Variants in DSCAML1 observed in about 807,000 individuals in gnomAD.
The protein encoded by DSCAML1 is cell adhesion molecule DSCAML1.
In DSCAML1, 38 loss-of-function variants were observed where a neutral mutation model predicts 200.5. The ratio of observed to expected loss-of-function variants is 0.19; its 90% CI spans 0.15 to 0.25. The LOEUF (loss-of-function observed/expected upper bound fraction) is 0.25. Ranked by LOEUF, DSCAML1 falls within the 10% of genes least tolerant of loss-of-function variation. The probability of loss-of-function intolerance (pLI) is 1.00; values close to 1 mark genes in which losing one functional copy is unlikely to be tolerated. For synonymous variants in DSCAML1, 1,215 were observed against 1,165.0 expected, an observed-to-expected ratio of 1.04 and a Z score of -0.87; for missense variants, 2,223 against 2,858.8, an observed-to-expected ratio of 0.78 and a Z score of 5.07.
intron 3 of DSCAML1, among the ~76,000 whole-genome samples, chr11:117,562,825 G>A (rs1016497775): frequency 1.3e-5 from 2 of 152,086 alleles, no homozygotes; most frequent in African/African-American, 2.4e-5. Flanking sequence ...TCCATCTCCC[G>A]GGTTCAAGTG....
In DSCAML1 at chr11:117,650,527, C is replaced by T. The variant is rs144576777; in HGVS notation, c.512-118005G>A. Among the ~76,000 whole-genome samples, 604 of 152,298 alleles carry T rather than the reference C, an allele frequency of 4.0e-3. 6 individuals are homozygous for T. The highest frequency in any genetic ancestry group is 6.9e-3 in the Non-Finnish European group (468 of 68,028). On this transcript the variant is annotated intron_variant, in intron 3 of 32. Coordinates refer to ENST00000651296, the MANE Select transcript of DSCAML1 (RefSeq NM_020693.4). ...AGGTAGAAAGTCAGAAGAGATCACA[C>T]GCAGCCTCGTGCAAAGAGGCTGTCA... is the stretch of plus-strand genomic sequence containing the variant.
chr11:117,780,235 A>AGAAAGAAAGAAAGAAAGAAG lies in DSCAML1; in HGVS notation c.364+257_364+258insCTTCTTTCTTTCTTTCTTTC, dbSNP rs2055215212. Among the ~76,000 whole-genome samples the AGAAAGAAAGAAAGAAAGAAG allele has an allele frequency of 2.0e-5, 1 of 49,294 alleles. No homozygotes were observed. Among genetic ancestry groups the AGAAAGAAAGAAAGAAAGAAG allele is most frequent in the African/African-American group, 9.1e-5 (1 of 11,016 alleles). 32.3% of individuals were successfully genotyped at this position (49,294 alleles called of 152,430 possible). On this transcript the variant is annotated intron_variant, in intron 2 of 32. Transcript: ENST00000651296. The surrounding 1 kb of genome is among the most constrained non-coding windows in gnomAD (Gnocchi z 4.8). ...AGAGAGAGAGAAAGAAAGAAAGGAA[A>AGAAAGAAAGAAAGAAAGAAG]GAAAGAAAGAAAGAAAGAAAGAAAG... is the stretch of plus-strand genomic sequence containing the variant.
chr11:117,698,911 A>C (rs933058192), intron 3 of DSCAML1, among the ~76,000 whole-genome samples: 3 of 152,188 alleles, frequency 2.0e-5, no homozygotes, highest in Admixed American at 2.0e-4. Flanking sequence ...GCCCCATCCA[A>C]CTAGTTTTGC....
intron 1 of DSCAML1, among the ~76,000 whole-genome samples, chr11:117,783,926 C>T (rs980420202): frequency 6.6e-6 from 1 of 152,180 alleles, no homozygotes; most frequent in Non-Finnish European, 1.5e-5. Context: ...CTTCCCCAGG[C>T]CCCCTCTACT....
intron 3 of DSCAML1, among the ~76,000 whole-genome samples, chr11:117,651,103 C>G (rs2052623213): frequency 1.3e-5 from 2 of 152,260 alleles, no homozygotes; most frequent in Non-Finnish European, 2.9e-5. Flanking sequence ...TTTGTGGGCA[C>G]AGACTAAGGC....
At chr11:117,687,426 A>ATTTTAAATTTTTTT (rs552784985) in intron 3 of DSCAML1, among the ~76,000 whole-genome samples, 1 of 97,684 alleles carries the variant, frequency 1.0e-5, no homozygotes, top group African/African-American at 4.1e-5. Flanking sequence ...ATGCCTGGCT[A>ATTTTAAATTTTTTT]TTTTTTTTTT....
At chr11:117,646,925 C>T (rs1260048143) in intron 3 of DSCAML1, among the ~76,000 whole-genome samples, 1 of 151,990 alleles carries the variant, frequency 6.6e-6, no homozygotes, top group Admixed American at 6.5e-5. Flanking sequence ...TATCAAATTT[C>T]AGGTCCCAGA....
At chr11:117,566,724 C>CT (rs2050764626) in intron 3 of DSCAML1, among the ~76,000 whole-genome samples, 1 of 142,452 alleles carries the variant, frequency 7.0e-6, no homozygotes, top group Non-Finnish European at 1.5e-5. Context: ...GCTATCCCTC[C>CT]CCACTCCCCC....
intron 2 of DSCAML1, among the ~76,000 whole-genome samples, chr11:117,779,956 G>T (rs932037843): frequency 1.3e-5 from 2 of 151,824 alleles, no homozygotes; most frequent in African/African-American, 2.4e-5. Flanking sequence ...ATAAGTCAAG[G>T]GGGCTGAAGT....
At chr11:117,701,560 G>A (rs532771691) in intron 3 of DSCAML1, among the ~76,000 whole-genome samples, 1 of 152,310 alleles carries the variant, frequency 6.6e-6, no homozygotes, top group African/African-American at 2.4e-5. Flanking sequence ...CTGCCGGCTG[G>A]GGAAGAGCCA....
intron 14 of DSCAML1, among the ~76,000 whole-genome samples, chr11:117,477,494 G>T (rs1307703448): frequency 3.3e-5 from 5 of 151,524 alleles, no homozygotes; most frequent in African/African-American, 7.3e-5. Context: ...CATGGCTGGT[G>T]CATGATTCTG....
chr11:117,613,001 G>C (rs1204217294), intron 3 of DSCAML1, among the ~76,000 whole-genome samples: 2 of 152,202 alleles, frequency 1.3e-5, no homozygotes, highest in Non-Finnish European at 2.9e-5. Flanking sequence ...ACGGAGGTTA[G>C]ACTGGATAAC....
chr11:117,478,693 G>A (rs953188148), intron 14 of DSCAML1, among the ~76,000 whole-genome samples: 1 of 152,222 alleles, frequency 6.6e-6, no homozygotes, highest in African/African-American at 2.4e-5. Flanking sequence ...CCCATGAATT[G>A]CATCTATGAG....
intron 3 of DSCAML1, among the ~76,000 whole-genome samples, chr11:117,771,058 C>G (rs2055029731): frequency 6.6e-6 from 1 of 152,140 alleles, no homozygotes; most frequent in Non-Finnish European, 1.5e-5. Flanking sequence ...CCAGGGCACT[C>G]TCCAGCTCTC....
chr11:117,462,919 C>G (rs574997866), intron 17 of DSCAML1, among the ~76,000 whole-genome samples: 8 of 152,360 alleles, frequency 5.3e-5, no homozygotes, highest in African/African-American at 1.7e-4. Context: ...GACTCCATAG[C>G]CTGTGCTGAT....
chr11:117,745,604 G>A (rs1269626580), intron 3 of DSCAML1, among the ~76,000 whole-genome samples: 2 of 152,200 alleles, frequency 1.3e-5, no homozygotes, highest in Non-Finnish European at 2.9e-5. Flanking sequence ...ACAGACTCAT[G>A]TCACTCCATG....
In DSCAML1 at chr11:117,657,572, T is replaced by C. The variant is rs574675729; in HGVS notation, c.511+119219A>G. Among the ~76,000 whole-genome samples the C allele has an allele frequency of 5.1e-4, 78 of 152,328 alleles. 1 individual carries two copies. In the South Asian group the frequency reaches 0.015, roughly 30 times the overall value. The stretch of plus-strand genomic sequence containing the variant: ...ATTTAATGCTCCGTGTCAGTGACTA[T>C]CTAATCCTAGGTCCCTGGCCAAACC... On this transcript the variant is annotated intron_variant, in intron 3 of 32. Coordinates refer to ENST00000651296, the MANE Select transcript of DSCAML1 (RefSeq NM_020693.4).
At chr11:117,482,562 TG>T (rs1332455926) in intron 11 of DSCAML1, among the ~76,000 whole-genome samples, 1 of 152,216 alleles carries the variant, frequency 6.6e-6, no homozygotes, top group East Asian at 1.9e-4. Flanking sequence ...TAAGATCCAG[TG>T]GTAGCTCGTA....
intron 11 of DSCAML1, among the ~76,000 whole-genome samples, chr11:117,493,201 C>A (rs1292806998): frequency 6.6e-6 from 1 of 152,182 alleles, no homozygotes; most frequent in African/African-American, 2.4e-5. Context: ...CTTTGTCCAG[C>A]TTTAAAATGG....
Sources: gnomAD v4.1 joint callset for allele counts (sites outside exome capture counted in the v4.1 genomes callset) on GRCh38, gnomAD v4.1.1 for gene constraint, Gnocchi (gnomAD v3.1) non-coding constraint, MANE v1.5 for transcripts, NCBI Gene and HGNC (gene_info 2026-07-23, HGNC 2026-07-21) for gene names.